Variants in FCHO2 observed in about 807,000 individuals in gnomAD.
The protein encoded by FCHO2 is FCH and mu domain containing endocytic adaptor 2.
Under a neutral mutation model 114.1 loss-of-function variants are expected in FCHO2, and 43 were observed. The ratio of observed to expected loss-of-function variants is 0.38; its 90% confidence interval spans 0.30 to 0.49. FCHO2 has a LOEUF of 0.49. FCHO2 is among the 20% of genes least tolerant of loss of function. The pLI is 0.97. For missense variants in FCHO2, 807 were observed against 950.4 expected (o/e 0.85, Z 1.98); for synonymous variants, 293 against 315.2 (o/e 0.93, Z 0.75).
chr5:72,961,977 T>G (rs1579995516), intron 1 of FCHO2, among the ~76,000 whole-genome samples: 1 of 152,304 alleles, frequency 6.6e-6, no homozygotes, highest in South Asian at 2.1e-4. Context: ...ATTGTATAAC[T>G]TTTAGCAAGT....
intron 9 of FCHO2, among the ~76,000 whole-genome samples, chr5:73,036,003 C>T (rs964749758): frequency 3.3e-5 from 5 of 151,714 alleles, no homozygotes; most frequent in East Asian, 2.0e-4. Flanking sequence ...CCACTACGCC[C>T]GGCTAATTTT....
chr5:72,986,440 C>T (rs1753525860), intron 2 of FCHO2, among the ~76,000 whole-genome samples: 1 of 152,140 alleles, frequency 6.6e-6, no homozygotes. Flanking sequence ...TTTCACTTCT[C>T]AACTGATCAG....
At chr5:73,054,640 G>C (rs1757498502) in intron 15 of FCHO2, 91 bp downstream of exon 15, 1 of 971,418 alleles carries the variant, frequency 1.0e-6, no homozygotes, top group African/African-American at 1.7e-5. Flanking sequence ...AGAAATAAAT[G>C]ATCTTTTCTC....
intron 10 of FCHO2, among the ~76,000 whole-genome samples, chr5:73,038,463 A>C (rs559222777): frequency 5.3e-5 from 8 of 152,378 alleles, no homozygotes; most frequent in Admixed American, 5.2e-4. Context: ...AAAACAACAA[A>C]AAAATTTGTT....
rs990091457 is a variant in FCHO2, at chr5:73,052,403, A to G, written c.1069A>G (p.Ile357Val). The G allele has an allele frequency of 6.8e-6, 11 of 1,606,316 alleles. No homozygotes were observed. Among genetic ancestry groups the G allele is most frequent in the Admixed American group, 3.4e-5 (2 of 59,018 alleles). The change falls in exon 13 of 26, where the codon ATA becomes GTA. Residue 357 changes from isoleucine (I) to valine (V), a missense_variant. Ile to Val is a conservative substitution (Grantham distance 29, BLOSUM62 3). Coordinates refer to ENST00000430046, the MANE Select transcript of FCHO2 (RefSeq NM_138782.3). ...SEDEEPKKYR[I>V]EIKPMHPNNS... ...AGATGAAGAACCAAAGAAGTATCGG[A>G]TAGAAATTAAGCCTATGCATCCAAA...
intron 20 of FCHO2, among the ~76,000 whole-genome samples, chr5:73,075,468 T>G (rs1742869942): frequency 6.6e-6 from 1 of 151,580 alleles, no homozygotes; most frequent in African/African-American, 2.4e-5. Flanking sequence ...AACAGGAGAG[T>G]ACTTGAAGAT....
intron 8 of FCHO2, among the ~76,000 whole-genome samples, chr5:73,020,310 A>G (rs1332485020): frequency 1.3e-5 from 2 of 152,230 alleles, no homozygotes; most frequent in African/African-American, 4.8e-5. Flanking sequence ...GCATGGTGGC[A>G]TACTTGCTAG....
intron 19 of FCHO2, among the ~76,000 whole-genome samples, chr5:73,073,905 A>G (rs1373724619): frequency 1.3e-5 from 2 of 152,130 alleles, no homozygotes; most frequent in African/African-American, 2.4e-5. Flanking sequence ...ATATTTTTAT[A>G]AAATTGCATT....
chr5:73,068,386 G>T (rs1390800032), intron 18 of FCHO2, among the ~76,000 whole-genome samples: 1 of 152,000 alleles, frequency 6.6e-6, no homozygotes, highest in Non-Finnish European at 1.5e-5. Flanking sequence ...TAACTTCTGA[G>T]AATCTGTCTT....
rs377007344 is a variant in FCHO2 at position 73,082,792 on chromosome 5, T to C, written c.2212T>C (p.Leu738=). ...NAEQMKAFWK[L]SSISEKSENG... ...AGAACAAATGAAAGCCTTTTGGAAA[T>C]TGTCTAGTATTTCAGAAAAATCAGA... The change falls in exon 24 of 26, where the codon TTG becomes CTG. Residue 738 remains leucine, a synonymous_variant. Transcript: ENST00000430046. The C allele has an allele frequency of 3.7e-6, 6 of 1,606,940 alleles. No individual in the cohort carries two copies. The highest frequency in any genetic ancestry group is 5.1e-6 in the Non-Finnish European group (6 of 1,176,672).
At chr5:73,036,721 A>C (rs946030962) in intron 9 of FCHO2, among the ~76,000 whole-genome samples, 2 of 152,120 alleles carry the variant, frequency 1.3e-5, no homozygotes, top group African/African-American at 4.8e-5. Context: ...TTTTTATCTA[A>C]AACAATAAAA....
At chr5:73,024,674 T>C (rs1336114997) in intron 8 of FCHO2, among the ~76,000 whole-genome samples, 1 of 150,956 alleles carries the variant, frequency 6.6e-6, no homozygotes, top group Non-Finnish European at 1.5e-5. Context: ...CCTGACCTCA[T>C]GATCCGCCCA....
chr5:72,981,404 A>G (rs190867786), intron 2 of FCHO2, among the ~76,000 whole-genome samples: 1 of 152,248 alleles, frequency 6.6e-6, no homozygotes, highest in East Asian at 1.9e-4. Flanking sequence ...ACCTTGGTGA[A>G]TCTGACAATT....
intron 10 of FCHO2, among the ~76,000 whole-genome samples, chr5:73,040,705 C>T (rs1359591762): frequency 1.3e-5 from 2 of 152,148 alleles, no homozygotes; most frequent in Non-Finnish European, 2.9e-5. Context: ...AGTTATCCAA[C>T]TGGAAGTCTA....
rs1580196977 is a variant in FCHO2 at position 73,068,578 on chromosome 5, C to G, written c.1450-72C>G. 3 of 1,529,908 alleles carry G rather than the reference C, an allele frequency of 2.0e-6. No individual in the cohort carries two copies. In the East Asian group the frequency reaches 6.9e-5, roughly 35 times the overall value. The allele number at this position is 1,529,908 out of a possible 1,614,324, so 94.8% of individuals were successfully genotyped here. On this transcript the variant is annotated intron_variant, in intron 18 of 25. Transcript: ENST00000430046. ...TTGGTTTGGTATGTTAAATTTACCT[C>G]ATACTTAAAAATCTTCTCTAACAAG...
chr5:73,066,019 C>G (rs1742301217), intron 18 of FCHO2, among the ~76,000 whole-genome samples: 1 of 152,010 alleles, frequency 6.6e-6, no homozygotes, highest in Admixed American at 6.6e-5. Flanking sequence ...TGAGTTATTT[C>G]ACTCAGGATA....
At chr5:73,070,445 A>AT (rs1742585720) in intron 19 of FCHO2, among the ~76,000 whole-genome samples, 1 of 151,150 alleles carries the variant, frequency 6.6e-6, no homozygotes, top group Non-Finnish European at 1.5e-5. Flanking sequence ...CTTCATTTTT[A>AT]TTTTTTGTTT....
intron 2 of FCHO2, among the ~76,000 whole-genome samples, chr5:72,977,399 TGTTC>T (rs1178377019): frequency 6.6e-6 from 1 of 152,240 alleles, no homozygotes; most frequent in African/African-American, 2.4e-5. Context: ...TTTTCTCTTA[TGTTC>T]GTTGGCTGCA....
At chr5:73,033,826 G>T (rs1265802528) in intron 8 of FCHO2, among the ~76,000 whole-genome samples, 1 of 152,102 alleles carries the variant, frequency 6.6e-6, no homozygotes, top group Non-Finnish European at 1.5e-5. Flanking sequence ...TCACATATAT[G>T]AAGTATGCCA....
Sources: allele counts gnomAD v4.1 joint callset (sites outside exome capture counted in the v4.1 genomes callset), GRCh38; gene constraint gnomAD v4.1.1; transcripts MANE v1.5; gene names NCBI Gene and HGNC (gene_info 2026-07-23, HGNC 2026-07-21).